Variants in GPATCH1 observed in about 807,000 individuals in gnomAD.
The protein encoded by GPATCH1 is G-patch domain containing 1, also known as G patch domain-containing protein 1.
A neutral mutation model predicts 114.9 loss-of-function variants in GPATCH1; 73 were observed. The observed-to-expected ratio is 0.64, with a 90% CI of 0.53 to 0.77. The LOEUF (loss-of-function observed/expected upper bound fraction) is 0.77, where lower values mean the gene tolerates loss of function less well. GPATCH1 is among the 30% of genes least tolerant of loss of function. GPATCH1 has a pLI of 0.00. For missense variants in GPATCH1, 1,058 were observed against 1,144.3 expected (o/e 0.92, Z 1.09); for synonymous variants, 391 against 428.4 (o/e 0.91, Z 1.08).
chr19:33,088,312 G>C lies in GPATCH1; in HGVS notation c.208+44G>C, dbSNP rs535921452. ...TAGCTATTATACCATTAAAGCAAAT[G>C]ATCAAAATATTGATTCTCCCTCACC... On this transcript the variant is annotated intron_variant, in intron 2 of 19. Coordinates refer to ENST00000170564, the MANE Select transcript of GPATCH1 (RefSeq NM_018025.3). The C allele has an allele frequency of 3.4e-5, 47 of 1,366,114 alleles. No individual in the cohort carries two copies. The East Asian group carries it at 1.0e-3, about 29-fold the overall frequency. The allele number at this position is 1,366,114 out of a possible 1,614,324, so 84.6% of individuals were successfully genotyped here. A position where few individuals can be genotyped will look rare whatever the true frequency, so the allele number is the denominator to read the frequency against.
In GPATCH1 at chr19:33,091,450, A is replaced by G. The variant is rs947303112; in HGVS notation, c.294+585A>G. 1.3e-3 allele frequency among the ~76,000 whole-genome samples: 184 copies of G among 146,654 alleles called. 1 individual carries two copies. Among genetic ancestry groups the G allele is most frequent in the Middle Eastern group, 3.7e-3 (1 of 270 alleles). On this transcript the variant is annotated intron_variant, in intron 3 of 19. Transcript: ENST00000170564. The stretch of plus-strand genomic sequence containing the variant: ...AAAAAAAAAAAAAAGTAAAGCCTCT[A>G]TTGCCTCAAAAGCTCAGTATCCATG...
Position 33,111,827 on chromosome 19 carries a change from G to C in GPATCH1, c.1689G>C (p.Ser563=). 1 of 1,614,066 alleles carries C rather than the reference G, an allele frequency of 6.2e-7. No individual in the cohort carries two copies. Among genetic ancestry groups the C allele is most frequent in the Admixed American group, 1.7e-5 (1 of 60,018 alleles). The change falls in exon 12 of 20, where the codon TCG becomes TCC. Residue 563 remains serine (S), a synonymous_variant. Coordinates refer to ENST00000170564, the MANE Select transcript of GPATCH1 (RefSeq NM_018025.3). ...CCCTGCTGTACGCATCTTCCCATTC[G>C]ACCTTGTCCTCCAGGTTCACTCACG... is the stretch of plus-strand genomic sequence containing the variant. ...RAALLYASSH[S]TLSSRFTHAK...
At chr19:33,118,378 C>T (rs1395653272) in intron 16 of GPATCH1, among the ~76,000 whole-genome samples, 2 of 151,698 alleles carry the variant, frequency 1.3e-5, no homozygotes, top group East Asian at 3.9e-4. Context: ...GGGGTTTCAC[C>T]ATGTTGGCCA....
At chr19:33,093,995 C>A (rs543688805) in intron 4 of GPATCH1, among the ~76,000 whole-genome samples, 177 bp from the exon 5 acceptor site, 1 of 152,282 alleles carries the variant, frequency 6.6e-6, no homozygotes, top group African/African-American at 2.4e-5. Flanking sequence ...CAGGTGTGCA[C>A]CCCAGTGCAG....
chr19:33,117,455 C>T (rs1318831659), intron 15 of GPATCH1, among the ~76,000 whole-genome samples: 1 of 152,034 alleles, frequency 6.6e-6, no homozygotes, highest in Non-Finnish European at 1.5e-5. Flanking sequence ...ACCACCATGC[C>T]CAGCTAATTT....
chr19:33,100,627 G>GCA (rs2145316099), intron 8 of GPATCH1, among the ~76,000 whole-genome samples: 1 of 146,196 alleles, frequency 6.8e-6, no homozygotes, highest in Non-Finnish European at 1.5e-5. Context: ...AGGAGTCAAA[G>GCA]CACAAAGAAT....
At chr19:33,110,994 TTA>T (rs988809796) in intron 11 of GPATCH1, among the ~76,000 whole-genome samples, 3 of 146,274 alleles carry the variant, frequency 2.1e-5, no homozygotes, top group South Asian at 2.1e-4. Context: ...ATAAAATATA[TTA>T]TATATATATA....
chr19:33,106,580 G>A, intron 9 of GPATCH1, 115 bp from the exon 10 acceptor site: 1 of 783,576 alleles, frequency 1.3e-6, no homozygotes, highest in Non-Finnish European at 2.1e-6. Context: ...TGCCTGCTGA[G>A]TGTTAACCCG....
Position 33,126,572 on chromosome 19 carries a change from T to C in GPATCH1, c.2620-16T>C. On this transcript the variant is annotated splice_polypyrimidine_tract_variant and intron_variant, in intron 18 of 19. Coordinates refer to ENST00000170564, the MANE Select transcript of GPATCH1 (RefSeq NM_018025.3). ...AAATACATTTGTTTTCCCCCACCAC[T>C]ATTTGTTTTTTACAGAAAAAGAAAC... 1 of 1,611,404 alleles carries C rather than the reference T, an allele frequency of 6.2e-7. No individual in the cohort carries two copies. Among genetic ancestry groups the C allele is most frequent in the Non-Finnish European group, 8.5e-7 (1 of 1,179,358 alleles).
intron 1 of GPATCH1, among the ~76,000 whole-genome samples, chr19:33,084,655 TTTTTTTTTTTTC>T (rs1972516105): frequency 6.9e-6 from 1 of 145,922 alleles, no homozygotes; most frequent in Non-Finnish European, 1.5e-5. Context: ...ACCTTGCCCT[TTTTTTTTTTTTC>T]TTTTTTTTTT....
chr19:33,094,313 CTTT>C lies in GPATCH1; in HGVS notation c.553+57_553+59del, dbSNP rs58636263. 4,855 of 788,394 alleles carry C rather than the reference CTTT, an allele frequency of 6.2e-3. 1 individual carries two copies. Among genetic ancestry groups the C allele is most frequent in the South Asian group, 8.7e-3 (527 of 60,762 alleles). The allele number at this position is 788,394 out of a possible 1,614,324, so 48.8% of individuals were successfully genotyped here. On this transcript the variant is annotated intron_variant, in intron 5 of 19. Transcript: ENST00000170564. The stretch of plus-strand genomic sequence containing the variant: ...TAACTGTTATCACTGCTGCAGCGTA[CTTT>C]TTTTTTTTTTTTGAGACAGGGTCTT...
Position 33,088,124 on chromosome 19 carries a change from T to TC in GPATCH1, c.74-10_74-9insC. ...TTCATTTAAAAAACTTTTTTTTTTT[T>TC]TTTTTTTAGGTGAAAGACCAAAGAA... On this transcript the variant is annotated splice_polypyrimidine_tract_variant and intron_variant, in intron 1 of 19. Coordinates refer to ENST00000170564, the MANE Select transcript of GPATCH1 (RefSeq NM_018025.3). The TC allele has an allele frequency of 6.9e-7, 1 of 1,447,668 alleles. No homozygotes were observed. The highest frequency in any genetic ancestry group is 9.1e-7 in the Non-Finnish European group (1 of 1,100,688). 89.7% of individuals were successfully genotyped at this position (1,447,668 alleles called of 1,614,324 possible).
chr19:33,112,358 T>C (rs916920962), intron 12 of GPATCH1, 128 bp from the exon 13 acceptor site: 4 of 975,378 alleles, frequency 4.1e-6, no homozygotes, highest in Admixed American at 2.1e-5. Flanking sequence ...TCCAATGTAC[T>C]GGAGCATAAA....
rs1568340783 is a variant in GPATCH1 at position 33,096,408 on chromosome 19, G to A, written c.814G>A (p.Gly272Arg). Residue 272 changes from glycine (G) to arginine (R), a missense_variant, in exon 7 of 20, where the codon GGA becomes AGA. Physicochemically the swap from Gly to Arg is moderately radical, Grantham distance 125 (BLOSUM62 -2). This residue lies in a region of GPATCH1 where 893 missense variants were observed against 977.4 expected (regional missense o/e 0.91). Coordinates refer to ENST00000170564, the MANE Select transcript of GPATCH1 (RefSeq NM_018025.3). ...GAGAGCTGGCGATCTTGGAGAAATT[G>A]GACTGAATAAAGGAAGAAAATTGGG... is the stretch of plus-strand genomic sequence containing the variant. Reference protein sequence around the residue: ...SERAGDLGEIGLNKGRKLGIS... With the variant: ...SERAGDLGEIRLNKGRKLGIS... 6.2e-7 allele frequency: 1 copy of A among 1,613,624 alleles called. No homozygotes were observed. Among genetic ancestry groups the A allele is most frequent in the African/African-American group, 1.3e-5 (1 of 74,874 alleles).
rs1599846208 is a variant in GPATCH1, at chr19:33,081,211, T to G, written c.18T>G (p.Ser6Arg). Reference protein sequence around the residue: MAARDSDSEEDLVSYG... With the variant: MAARDRDSEEDLVSYG... The stretch of plus-strand genomic sequence containing the variant: ...AGAGCAGGATGGCGGCGCGGGACAG[T>G]GACAGCGAAGAAGATCTGGTCAGCT... The change falls in exon 1 of 20, where the codon AGT becomes AGG. Residue 6 changes from serine to arginine, a missense_variant. By Grantham distance (110) the Ser-to-Arg change is moderately radical. Around this residue, in one of 3 missense-constraint regions of GPATCH1, gnomAD observed 131 missense variants for 107.2 expected, o/e 1.22. Coordinates refer to ENST00000170564, the MANE Select transcript of GPATCH1 (RefSeq NM_018025.3). 1.3e-6 allele frequency: 2 copies of G among 1,551,302 alleles called. No individual in the cohort carries two copies. Among genetic ancestry groups the G allele is most frequent in the Non-Finnish European group, 1.7e-6 (2 of 1,146,894 alleles).
intron 11 of GPATCH1, among the ~76,000 whole-genome samples, 197 bp downstream of exon 11, chr19:33,110,213 C>T (rs1972836855): frequency 6.6e-6 from 1 of 152,212 alleles, no homozygotes; most frequent in Admixed American, 6.5e-5. Context: ...TTATGTTCCT[C>T]CATATCTCAG....
rs1199840095 is a variant in GPATCH1 at position 33,118,594 on chromosome 19, A to G, written c.2414-416A>G. ...ATTTATCTTCAAGGTTTTTTCTTTGATAATTTATTTTGAGTGAAACTTGTC... is the reference window on the plus strand; with the variant it reads ...ATTTATCTTCAAGGTTTTTTCTTTGGTAATTTATTTTGAGTGAAACTTGTC... On this transcript the variant is annotated intron_variant, in intron 16 of 19. Transcript: ENST00000170564. Among the ~76,000 whole-genome samples, 56 of 152,112 alleles carry G rather than the reference A, an allele frequency of 3.7e-4. 1 individual carries two copies. The highest frequency in any genetic ancestry group is 3.6e-3 in the Admixed American group (55 of 15,258).
intron 8 of GPATCH1, among the ~76,000 whole-genome samples, chr19:33,101,170 T>C (rs1177659322): frequency 1.3e-5 from 2 of 152,216 alleles, no homozygotes; most frequent in Non-Finnish European, 2.9e-5. Flanking sequence ...TCTTGATCTT[T>C]TACTCCACGG....
chr19:33,123,657 T>C (rs1387420559), intron 17 of GPATCH1, among the ~76,000 whole-genome samples: 2 of 151,668 alleles, frequency 1.3e-5, no homozygotes, highest in African/African-American at 2.4e-5. Flanking sequence ...GAAGCCGAGG[T>C]AGGAGGATAT....
Sources: allele counts gnomAD v4.1 joint callset (sites outside exome capture counted in the v4.1 genomes callset), GRCh38; gene constraint gnomAD v4.1.1; regional missense constraint gnomAD v4.1.1; transcripts MANE v1.5; gene names NCBI Gene and HGNC (gene_info 2026-07-23, HGNC 2026-07-21).